HIVEP3: variants seen among roughly 807,000 people sequenced by gnomAD.
HIVEP3 encodes the protein HIVEP zinc finger 3, also known as transcription factor HIVEP3.
A neutral mutation model predicts 152.8 loss-of-function variants in HIVEP3; 49 were observed. The ratio of observed to expected loss-of-function variants is 0.32; its 90% CI spans 0.26 to 0.41. HIVEP3 has a LOEUF of 0.41. Ranked by LOEUF, HIVEP3 falls within the 10% of genes least tolerant of loss-of-function variation. The pLI, the probability that HIVEP3 is intolerant of heterozygous loss-of-function variation, is 1.00. For synonymous variants in HIVEP3, 1,269 were observed against 1,289.0 expected, an observed-to-expected ratio of 0.98 and a Z score of 0.33; for missense variants, 2,790 against 3,103.3, an observed-to-expected ratio of 0.90 and a Z score of 2.40.
chr1:41,946,861 C>A (rs1032340470), intron 1 of HIVEP3, among the ~76,000 whole-genome samples: 13 of 152,270 alleles, frequency 8.5e-5, no homozygotes, highest in African/African-American at 3.1e-4. Context: ...TAAAACCATG[C>A]AGTAGCCCCT....
At chr1:41,677,605 A>G (rs756543091) in intron 2 of HIVEP3, among the ~76,000 whole-genome samples, 1 of 152,268 alleles carries the variant, frequency 6.6e-6, no homozygotes, top group Non-Finnish European at 1.5e-5. Flanking sequence ...GAAGTCCAGA[A>G]GCCCTACAGC....
At chr1:41,655,104 C>A (rs1645609326) in intron 2 of HIVEP3, among the ~76,000 whole-genome samples, 1 of 152,112 alleles carries the variant, frequency 6.6e-6, no homozygotes, top group Non-Finnish European at 1.5e-5. Flanking sequence ...CAAAGCAGGA[C>A]AGCCCAGAGT....
intron 2 of HIVEP3, among the ~76,000 whole-genome samples, chr1:41,654,303 T>C (rs185167137): frequency 2.7e-4 from 41 of 151,510 alleles, no homozygotes; most frequent in Non-Finnish European, 2.1e-4. Context: ...TTACAGGCAC[T>C]GGTTTATAAT....
chr1:41,647,724 C>T (rs1645482548), intron 2 of HIVEP3, among the ~76,000 whole-genome samples: 1 of 152,224 alleles, frequency 6.6e-6, no homozygotes, highest in Non-Finnish European at 1.5e-5. Flanking sequence ...AGCTTGGAGT[C>T]TCCTCTCCTC....
intron 1 of HIVEP3, among the ~76,000 whole-genome samples, chr1:41,864,194 T>C (rs1245467821): frequency 6.6e-6 from 1 of 152,084 alleles, no homozygotes; most frequent in African/African-American, 2.4e-5. Context: ...CAAATTTCCT[T>C]TGGGTTTATA....
chr1:41,894,284 TAAGTA>T (rs1178235850), intron 1 of HIVEP3, among the ~76,000 whole-genome samples: 2 of 152,152 alleles, frequency 1.3e-5, no homozygotes, highest in Admixed American at 6.5e-5. Context: ...GAAGGGAAAT[TAAGTA>T]AATTGTCCAA....
At chr1:41,721,076 A>T (rs758305856) in intron 1 of HIVEP3, among the ~76,000 whole-genome samples, 2 of 152,186 alleles carry the variant, frequency 1.3e-5, no homozygotes, top group Non-Finnish European at 2.9e-5. Flanking sequence ...AAGGAGTATA[A>T]ATGTTCAGTT....
At chr1:41,808,139 A>G (rs1650742366) in intron 1 of HIVEP3, among the ~76,000 whole-genome samples, 1 of 152,186 alleles carries the variant, frequency 6.6e-6, no homozygotes, top group Admixed American at 6.5e-5. Context: ...TAAGATTACT[A>G]CCCCCATTTG....
intron 1 of HIVEP3, among the ~76,000 whole-genome samples, chr1:41,900,723 G>A (rs1217545418): frequency 3.3e-5 from 5 of 152,044 alleles, no homozygotes; most frequent in African/African-American, 1.2e-4. Flanking sequence ...ACACATATGG[G>A]CCTCCCTAAA....
intron 1 of HIVEP3, among the ~76,000 whole-genome samples, chr1:41,950,298 A>G (rs2124490957): frequency 6.6e-6 from 1 of 152,140 alleles, no homozygotes; most frequent in East Asian, 1.9e-4. Flanking sequence ...ATTCTATTAA[A>G]TCTTGCAACT....
At chr1:41,920,577 G>GTTTTTTTTTT (rs10708045), upstream of HIVEP3, among the ~76,000 whole-genome samples, 2 of 123,178 alleles carry the variant, frequency 1.6e-5, no homozygotes, top group Non-Finnish European at 2.0e-5. Flanking sequence ...AAACAAGATG[G>GTTTTTTTTTT]TTTTTTTTTT....
intron 1 of HIVEP3, among the ~76,000 whole-genome samples, chr1:41,986,964 C>A (rs1407481437): frequency 6.6e-6 from 1 of 152,150 alleles, no homozygotes; most frequent in Non-Finnish European, 1.5e-5. Flanking sequence ...TTGTATTGCT[C>A]ATATCCCTGA....
At chr1:41,881,170 C>T (rs1322058090) in intron 1 of HIVEP3, among the ~76,000 whole-genome samples, 2 of 152,168 alleles carry the variant, frequency 1.3e-5, no homozygotes, top group Admixed American at 1.3e-4. Flanking sequence ...CAACAATGAC[C>T]ATGAGGGCAA....
rs1644118229 is a variant in HIVEP3 at position 41,873,531 on chromosome 1, T to C, written c.-801+44882A>G. ...ACAAAACAACCACTGATCTACATTA[T>C]TTCAGAGGTAATGATACTTTTACAT... On this transcript the variant is annotated intron_variant, in intron 1 of 8. Coordinates refer to ENST00000372583, the MANE Select transcript of HIVEP3 (RefSeq NM_024503.5). The surrounding 1 kb of genome is among the most constrained non-coding windows in gnomAD (Gnocchi z 4.2). Among the ~76,000 whole-genome samples, 1 of 152,220 alleles carries C rather than the reference T, an allele frequency of 6.6e-6. No homozygotes were observed. The highest frequency in any genetic ancestry group is 6.5e-5 in the Admixed American group (1 of 15,284).
At chr1:41,830,571 T>C (rs1570625532) in intron 1 of HIVEP3, among the ~76,000 whole-genome samples, 1 of 146,058 alleles carries the variant, frequency 6.8e-6, no homozygotes, top group East Asian at 1.9e-4. Flanking sequence ...CCATACACCT[T>C]TCCCAAAAGC....
intron 3 of HIVEP3, among the ~76,000 whole-genome samples, chr1:41,613,084 G>A (rs1418517184): frequency 1.3e-5 from 2 of 152,240 alleles, no homozygotes; most frequent in Non-Finnish European, 2.9e-5. Flanking sequence ...GGACAGCCAG[G>A]AGCACTGGGC....
chr1:41,597,952 C>G (rs1201125145), intron 3 of HIVEP3, among the ~76,000 whole-genome samples: 1 of 152,216 alleles, frequency 6.6e-6, no homozygotes, highest in African/African-American at 2.4e-5. Context: ...ATGTACATAG[C>G]TAGCTATCCA....
At chr1:42,002,406 T>C (rs559494798) in intron 1 of HIVEP3, among the ~76,000 whole-genome samples, 1 of 152,152 alleles carries the variant, frequency 6.6e-6, no homozygotes, top group South Asian at 2.1e-4. Context: ...ACAACACCAC[T>C]CAGGGAGTTT....
At position 41,524,715 on chromosome 1, in the gene HIVEP3, C is replaced by A. The variant is rs201811456; in HGVS notation, c.5383+20G>T. The A allele has an allele frequency of 6.2e-7, 1 of 1,611,540 alleles. No homozygotes were observed. Among genetic ancestry groups the A allele is most frequent in the African/African-American group, 1.3e-5 (1 of 75,004 alleles). ...TCCCTGCAGCGGGCAGGGGCAGTGCCCCAGCTGACTCTCTCTTACCTTTGG... is the reference window on the plus strand; with the variant it reads ...TCCCTGCAGCGGGCAGGGGCAGTGCACCAGCTGACTCTCTCTTACCTTTGG... On this transcript the variant is annotated intron_variant, in intron 6 of 8. Coordinates refer to ENST00000372583, the MANE Select transcript of HIVEP3 (RefSeq NM_024503.5).
Sources: allele counts gnomAD v4.1 joint callset (sites outside exome capture counted in the v4.1 genomes callset), GRCh38; gene constraint gnomAD v4.1.1; non-coding constraint Gnocchi (gnomAD v3.1); transcripts MANE v1.5; gene names NCBI Gene and HGNC (gene_info 2026-07-23, HGNC 2026-07-21).